MACROD2: variants seen among roughly 807,000 people sequenced by gnomAD.
MACROD2 encodes ADP-ribose glycohydrolase MACROD2.
Under a neutral mutation model 70.4 loss-of-function variants are expected in MACROD2, and 36 were observed. The observed-to-expected ratio is 0.51, with a 90% CI of 0.39 to 0.68. The LOEUF (loss-of-function observed/expected upper bound fraction) is 0.68, where lower values mean the gene tolerates loss of function less well. MACROD2 is among the 30% of genes least tolerant of loss of function. The pLI is 0.00. For synonymous variants in MACROD2, 172 were observed against 178.8 expected, an observed-to-expected ratio of 0.96 and a Z score of 0.30; for missense variants, 496 against 538.4, an observed-to-expected ratio of 0.92 and a Z score of 0.78.
At chr20:14,153,107 C>T (rs151324584) in intron 3 of MACROD2, among the ~76,000 whole-genome samples, 8 of 152,074 alleles carry the variant, frequency 5.3e-5, no homozygotes, top group Admixed American at 2.0e-4. Flanking sequence ...GTTATAGTTA[C>T]GAAAACCAAG....
At chr20:15,571,791 C>A (rs1437085093) in intron 8 of MACROD2, among the ~76,000 whole-genome samples, 1 of 152,114 alleles carries the variant, frequency 6.6e-6, no homozygotes, top group East Asian at 1.9e-4. Flanking sequence ...GCAAGGATTA[C>A]TTGGTCAGAC....
chr20:15,162,793 A>G (rs932029871), intron 5 of MACROD2, among the ~76,000 whole-genome samples: 3 of 152,158 alleles, frequency 2.0e-5, no homozygotes, highest in Non-Finnish European at 4.4e-5. Flanking sequence ...GTTTATAATC[A>G]ACAAGTTCTT....
At chr20:15,331,459 ATG>A (rs2077991660) in intron 6 of MACROD2, among the ~76,000 whole-genome samples, 1 of 151,790 alleles carries the variant, frequency 6.6e-6, no homozygotes, top group South Asian at 2.1e-4. Flanking sequence ...AGAAGATACT[ATG>A]TGTGAAAATG....
At chr20:14,189,923 A>G (rs1475205) in intron 3 of MACROD2, among the ~76,000 whole-genome samples, 82,306 of 152,016 alleles carry the variant, frequency 0.54, 23,489 homozygotes, top group Non-Finnish European at 0.63. Context: ...TAAAATCTCT[A>G]TATTAACTGG....
At chr20:15,595,251 T>C (rs1475964858) in intron 8 of MACROD2, among the ~76,000 whole-genome samples, 1 of 152,200 alleles carries the variant, frequency 6.6e-6, no homozygotes, top group Non-Finnish European at 1.5e-5. Flanking sequence ...TAAAAATGGT[T>C]AAGATGGTAA....
At chr20:14,522,853 A>T (rs1040079238) in intron 4 of MACROD2, among the ~76,000 whole-genome samples, 1 of 152,192 alleles carries the variant, frequency 6.6e-6, no homozygotes, top group Non-Finnish European at 1.5e-5. Context: ...CACTGAGGAC[A>T]GGGATTTCTA....
intron 5 of MACROD2, among the ~76,000 whole-genome samples, chr20:14,815,755 CAT>C (rs1400873760): frequency 6.6e-6 from 1 of 151,866 alleles, no homozygotes; most frequent in Non-Finnish European, 1.5e-5. Context: ...AAATATCTAA[CAT>C]AGTAACATTT....
intron 3 of MACROD2, among the ~76,000 whole-genome samples, chr20:14,293,061 T>C (rs1039610831): frequency 4.0e-5 from 6 of 151,782 alleles, no homozygotes; most frequent in African/African-American, 1.5e-4. Flanking sequence ...CTCAGAAAAT[T>C]AAGAACTAAG....
chr20:15,044,826 A>G (rs1157173463), intron 5 of MACROD2, among the ~76,000 whole-genome samples: 2 of 152,180 alleles, frequency 1.3e-5, no homozygotes, highest in East Asian at 3.9e-4. Context: ...TCTGTTTGAA[A>G]GTGCCATTTA....
intron 3 of MACROD2, among the ~76,000 whole-genome samples, chr20:14,235,289 T>C (rs1430552737): frequency 1.3e-5 from 2 of 152,210 alleles, no homozygotes; most frequent in African/African-American, 4.8e-5. Flanking sequence ...ATGAAAGAGA[T>C]GTTGATTGTA....
intron 4 of MACROD2, among the ~76,000 whole-genome samples, chr20:14,673,330 G>T (rs2070817985): frequency 6.6e-6 from 1 of 152,160 alleles, no homozygotes; most frequent in Non-Finnish European, 1.5e-5. Context: ...ACTTTCTGGA[G>T]CTGTGTCAAT....
chr20:16,010,616 G>A (rs1408004285), intron 15 of MACROD2, among the ~76,000 whole-genome samples: 1 of 152,164 alleles, frequency 6.6e-6, no homozygotes, highest in African/African-American at 2.4e-5. Flanking sequence ...TCAGCCACGA[G>A]GTTTCTGACA....
chr20:15,741,101 T>TC (rs2051098237), intron 8 of MACROD2, among the ~76,000 whole-genome samples: 1 of 149,560 alleles, frequency 6.7e-6, no homozygotes, highest in African/African-American at 2.5e-5. Flanking sequence ...TCTTTTTTTT[T>TC]TTTTTTTTTG....
At chr20:14,924,042 G>A (rs1291887891) in intron 5 of MACROD2, among the ~76,000 whole-genome samples, 2 of 152,096 alleles carry the variant, frequency 1.3e-5, no homozygotes, top group Non-Finnish European at 2.9e-5. Context: ...ATTTTCAGCT[G>A]TTATAAAAGT....
At chr20:14,568,322 C>T (rs924870930) in intron 4 of MACROD2, among the ~76,000 whole-genome samples, 2 of 151,938 alleles carry the variant, frequency 1.3e-5, no homozygotes, top group African/African-American at 4.8e-5. Flanking sequence ...CATTATTGCC[C>T]GGGTCTTTAC....
intron 3 of MACROD2, among the ~76,000 whole-genome samples, chr20:14,451,217 G>A (rs1394655145): frequency 6.6e-6 from 1 of 152,034 alleles, no homozygotes; most frequent in Non-Finnish European, 1.5e-5. Context: ...TAAGGCAGGT[G>A]GATCATCTGA....
intron 8 of MACROD2, among the ~76,000 whole-genome samples, chr20:15,586,898 T>TA (rs1273524722): frequency 1.3e-5 from 2 of 150,110 alleles, no homozygotes; most frequent in African/African-American, 2.5e-5. Flanking sequence ...GAGATCTACA[T>TA]AAAAAATCTT....
rs1164033473 is a variant in MACROD2, at chr20:14,625,777, C to T, written c.302-59066C>T. The stretch of plus-strand genomic sequence containing the variant: ...ACTTTGCCTTTCCTAACTTCTGAAG[C>T]TCAGCTGGCATCACTGTTTGAGGGC... On this transcript the variant is annotated intron_variant, in intron 4 of 17. Transcript: ENST00000684519. 4.6e-5 allele frequency among the ~76,000 whole-genome samples: 7 copies of T among 152,118 alleles called. 1 individual carries two copies. Among genetic ancestry groups the T allele is most frequent in the Non-Finnish European group, 1.0e-4 (7 of 68,020 alleles).
intron 5 of MACROD2, among the ~76,000 whole-genome samples, chr20:15,107,406 T>C (rs886687012): frequency 1.3e-5 from 2 of 152,176 alleles, no homozygotes; most frequent in African/African-American, 4.8e-5. Context: ...CTTTTAATTT[T>C]GCTAAAACTG....
Sources: allele counts gnomAD v4.1 joint callset (sites outside exome capture counted in the v4.1 genomes callset), GRCh38; gene constraint gnomAD v4.1.1; transcripts MANE v1.5; gene names NCBI Gene and HGNC (gene_info 2026-07-23, HGNC 2026-07-21).